TTC17: variants seen among roughly 807,000 people sequenced by gnomAD.
TTC17 encodes tetratricopeptide repeat domain 17.
Under a neutral mutation model 143.8 loss-of-function variants are expected in TTC17, and 58 were observed. The ratio of observed to expected loss-of-function variants is 0.40; its 90% CI spans 0.33 to 0.50. The LOEUF (loss-of-function observed/expected upper bound fraction) is 0.50, where lower values mean the gene tolerates loss of function less well. TTC17 is among the 20% of genes least tolerant of loss of function. The pLI is 0.49. For synonymous variants in TTC17, 501 were observed against 497.8 expected, an observed-to-expected ratio of 1.01 and a Z score of -0.09; for missense variants, 1,273 against 1,392.5, an observed-to-expected ratio of 0.91 and a Z score of 1.37.
intron 21 of TTC17, among the ~76,000 whole-genome samples, chr11:43,472,161 A>G (rs1248492543): frequency 6.6e-6 from 1 of 152,244 alleles, no homozygotes; most frequent in African/African-American, 2.4e-5. Flanking sequence ...GTTTGAGAAT[A>G]GCCTGAACAA....
chr11:43,447,282 A>G (rs1483792535), intron 18 of TTC17, among the ~76,000 whole-genome samples: 1 of 152,212 alleles, frequency 6.6e-6, no homozygotes, highest in Non-Finnish European at 1.5e-5. Flanking sequence ...GATGTAAAGC[A>G]CTTAGCATGG....
At chr11:43,460,482 A>G (rs1236173990) in intron 21 of TTC17, among the ~76,000 whole-genome samples, 1 of 151,998 alleles carries the variant, frequency 6.6e-6, no homozygotes, top group Non-Finnish European at 1.5e-5. Context: ...CTTCCACCAA[A>G]TGTCTATAAC....
At chr11:43,439,753 G>C (rs1947374521) in intron 16 of TTC17, among the ~76,000 whole-genome samples, 1 of 152,142 alleles carries the variant, frequency 6.6e-6, no homozygotes, top group African/African-American at 2.4e-5. Flanking sequence ...TTACAGGCGT[G>C]AGCCACCGCA....
At chr11:43,446,048 T>C in intron 18 of TTC17, 1 of 1,524,116 alleles carries the variant, frequency 6.6e-7, no homozygotes, top group Non-Finnish European at 8.8e-7. Flanking sequence ...GATGTGGGCT[T>C]GAAGCCTTCC....
intron 21 of TTC17, among the ~76,000 whole-genome samples, chr11:43,460,536 G>T (rs1947845980): frequency 6.6e-6 from 1 of 152,076 alleles, no homozygotes; most frequent in Non-Finnish European, 1.5e-5. Context: ...TTCTGTCATG[G>T]CAATGCCCTG....
intron 21 of TTC17, among the ~76,000 whole-genome samples, chr11:43,467,075 CA>C (rs367649226): frequency 5.3e-5 from 8 of 150,166 alleles, no homozygotes; most frequent in East Asian, 3.9e-4. Flanking sequence ...TAAAAACTAA[CA>C]AAAAAAAATG....
At chr11:43,406,923 G>T (rs1858167170) in intron 13 of TTC17, among the ~76,000 whole-genome samples, 1 of 152,122 alleles carries the variant, frequency 6.6e-6, no homozygotes. Context: ...GGGTATATAT[G>T]TCTTTTTAAC....
intron 2 of TTC17, among the ~76,000 whole-genome samples, chr11:43,382,137 G>A (rs536977074): frequency 5.5e-4 from 84 of 152,298 alleles, no homozygotes; most frequent in African/African-American, 1.9e-3. Context: ...AGAAGACAGT[G>A]AAGGGTAAGG....
At position 43,373,265 on chromosome 11, in the gene TTC17, G is replaced by A. The variant is rs867664550; in HGVS notation, c.160-5968G>A. On this transcript the variant is annotated intron_variant, in intron 1 of 23. Transcript: ENST00000039989. ...TGAACAACATAACTGCTCAGAAGTA[G>A]CCAGCCACTGCTAATTAGAGCCTTG... Among the ~76,000 whole-genome samples, 19 of 151,866 alleles carry A rather than the reference G, an allele frequency of 1.3e-4. No individual in the cohort carries two copies. The Middle Eastern group carries it at 0.01, about 84-fold the overall frequency.
chr11:43,406,566 C>CT (rs58014740), intron 13 of TTC17, among the ~76,000 whole-genome samples: 18 of 146,428 alleles, frequency 1.2e-4, no homozygotes, highest in Non-Finnish European at 1.4e-4. Flanking sequence ...TCACAACCAC[C>CT]TTTTTTTTTT....
At chr11:43,404,654 A>T (rs1229638383) in intron 11 of TTC17, among the ~76,000 whole-genome samples, 1 of 152,192 alleles carries the variant, frequency 6.6e-6, no homozygotes, top group South Asian at 2.1e-4. Flanking sequence ...ATACCAAGGT[A>T]TGAGGACAGA....
intron 19 of TTC17, chr11:43,449,289 A>T (rs970083485): frequency 6.6e-6 from 1 of 152,216 alleles, no homozygotes; most frequent in Non-Finnish European, 1.5e-5. Flanking sequence ...CAGGGCTGTC[A>T]CACGTGGTGT....
At chr11:43,413,530 TA>T (rs1946705679) in intron 15 of TTC17, among the ~76,000 whole-genome samples, 1 of 151,358 alleles carries the variant, frequency 6.6e-6, no homozygotes, top group Non-Finnish European at 1.5e-5. Flanking sequence ...ATTCAGAGAG[TA>T]AAAAAACAAA....
rs1441424006 is a variant in TTC17, at chr11:43,401,438, T to C, written c.1220-8T>C. ...TCATCATTTGTGTAATTTCCTTTCTTATTCCAGGAAATCATCAGATATGCC... is the reference window on the plus strand; with the variant it reads ...TCATCATTTGTGTAATTTCCTTTCTCATTCCAGGAAATCATCAGATATGCC... On this transcript the variant is annotated splice_polypyrimidine_tract_variant and splice_region_variant and intron_variant, in intron 9 of 23. Coordinates refer to ENST00000039989, the MANE Select transcript of TTC17 (RefSeq NM_018259.6). 1.9e-6 allele frequency: 3 copies of C among 1,591,970 alleles called. No individual in the cohort carries two copies. The highest frequency in any genetic ancestry group is 1.1e-5 in the South Asian group (1 of 87,020).
At chr11:43,409,310 G>C (rs534693756) in intron 15 of TTC17, among the ~76,000 whole-genome samples, 1 of 152,220 alleles carries the variant, frequency 6.6e-6, no homozygotes, top group East Asian at 1.9e-4. Flanking sequence ...TTTCTGCAAA[G>C]GCCTTAAAGA....
intron 21 of TTC17, among the ~76,000 whole-genome samples, chr11:43,481,628 G>C (rs1325091847): frequency 6.6e-6 from 1 of 151,856 alleles, no homozygotes; most frequent in Non-Finnish European, 1.5e-5. Context: ...CAAGGGATTT[G>C]TTTATTTCAT....
chr11:43,466,848 G>A (rs778032874), intron 21 of TTC17: 42 of 270,696 alleles, frequency 1.6e-4, no homozygotes, highest in Middle Eastern at 1.4e-3. Flanking sequence ...AAGCAAGATC[G>A]CCATTGCCAA....
At chr11:43,477,553 G>T (rs186918826) in intron 21 of TTC17, among the ~76,000 whole-genome samples, 4 of 152,270 alleles carry the variant, frequency 2.6e-5, no homozygotes, top group African/African-American at 9.6e-5. Context: ...AGAAAAATGA[G>T]GAAGAAGCAA....
rs1209333345 is a variant in TTC17 at position 43,405,845 on chromosome 11, G to T, written c.1655G>T (p.Cys552Phe). 5 of 1,613,988 alleles carry T rather than the reference G, an allele frequency of 3.1e-6. No individual in the cohort carries two copies. In the Admixed American group the frequency reaches 6.7e-5, roughly 22 times the overall value. ...STEEEAQTPD[C>F]SITDFRKSHT... ...GAAGAAGAGGCCCAAACCCCTGACT[G>T]TTCCATAACTGACTTCAGAAAAAGC... The change falls in exon 13 of 24, where the codon TGT (cysteine) becomes TTT (phenylalanine). Residue 552 changes from cysteine (C) to phenylalanine (F), a missense_variant. Physicochemically the swap from Cys to Phe is radical, Grantham distance 205. This residue lies in a region of TTC17 where 878 missense variants were observed against 899.8 expected (regional missense o/e 0.98). Transcript: ENST00000039989.
Sources: allele counts gnomAD v4.1 joint callset (sites outside exome capture counted in the v4.1 genomes callset), GRCh38; gene constraint gnomAD v4.1.1; regional missense constraint gnomAD v4.1.1; transcripts MANE v1.5; gene names NCBI Gene and HGNC (gene_info 2026-07-23, HGNC 2026-07-21).